Variants in RAB37 observed in about 807,000 individuals in gnomAD.
RAB37 encodes the protein ras-related protein Rab-37.
RAB37 carries 29 observed loss-of-function variants against 33.1 expected under a neutral mutation model. The observed-to-expected ratio is 0.88, with a 90% confidence interval of 0.65 to 1.20. The LOEUF is 1.20. Ranked by LOEUF, RAB37 falls within the 50% of genes most tolerant of loss-of-function variation. The pLI is 0.00. For synonymous variants in RAB37, 128 were observed against 119.5 expected, an observed-to-expected ratio of 1.07 and a Z score of -0.47; for missense variants, 299 against 301.1, an observed-to-expected ratio of 0.99 and a Z score of 0.05.
intron 1 of RAB37, among the ~76,000 whole-genome samples, chr17:74,673,620 A>G (rs2031755860): frequency 6.6e-6 from 1 of 152,068 alleles, no homozygotes; most frequent in Non-Finnish European, 1.5e-5. Context: ...TTACCCACAC[A>G]CGAGATGTAG....
intron 1 of RAB37, among the ~76,000 whole-genome samples, chr17:74,673,933 A>G (rs1389294799): frequency 1.3e-5 from 2 of 152,192 alleles, no homozygotes; most frequent in African/African-American, 2.4e-5. Context: ...TGATCCACTT[A>G]AAACTCTTTT....
intron 1 of RAB37, chr17:74,698,618 A>G (rs1598217152): frequency 1.3e-6 from 2 of 1,484,020 alleles, no homozygotes; most frequent in Non-Finnish European, 1.8e-6. Flanking sequence ...GGGAACCCTC[A>G]CTCCTGGGGA....
At chr17:74,707,469 C>T (rs932226228) in intron 1 of RAB37, among the ~76,000 whole-genome samples, 1 of 152,156 alleles carries the variant, frequency 6.6e-6, no homozygotes, top group Non-Finnish European at 1.5e-5. Context: ...AATTCCAGCA[C>T]TTTGGGAGGC....
intron 1 of RAB37, among the ~76,000 whole-genome samples, chr17:74,692,222 C>A (rs1384251445): frequency 6.6e-6 from 1 of 151,968 alleles, no homozygotes; most frequent in African/African-American, 2.4e-5. Flanking sequence ...CTGCTTTGAA[C>A]TTTTCCATTT....
chr17:74,691,866 A>AT (rs1334184845), intron 1 of RAB37, among the ~76,000 whole-genome samples: 4,997 of 139,454 alleles, frequency 0.036, 125 homozygotes, highest in Non-Finnish European at 0.043. Context: ...ATGTTATGCC[A>AT]TTTTTTTTTT....
At position 74,744,395 on chromosome 17, in the gene RAB37, TCAG is replaced by T; in HGVS notation, c.432+24_432+26del. The T allele has an allele frequency of 6.2e-7, 1 of 1,611,256 alleles. No individual in the cohort carries two copies. The highest frequency in any genetic ancestry group is 8.5e-7 in the Non-Finnish European group (1 of 1,177,662). ...CAAGGTGAGTGGCTCCGGGGCAGGG[TCAG>T]CCCAGCCCTGCACTTCCTCAGCCCT... On this transcript the variant is annotated intron_variant, in intron 6 of 8. Coordinates refer to ENST00000392613, the MANE Select transcript of RAB37 (RefSeq NM_001006638.3). This position sits in a 1 kb window ranked among gnomAD's most constrained non-coding sequence, Gnocchi z 4.2.
intron 5 of RAB37, among the ~76,000 whole-genome samples, chr17:74,743,808 G>A (rs1390842587): frequency 6.6e-6 from 1 of 152,186 alleles, no homozygotes; most frequent in African/African-American, 2.4e-5. Flanking sequence ...TCACGACATT[G>A]TATAGGTTTC....
rs2031717510 is a variant in RAB37 at position 74,671,984 on chromosome 17, G to A, written c.72+326G>A. Among the ~76,000 whole-genome samples, 1 of 152,094 alleles carries A rather than the reference G, an allele frequency of 6.6e-6. No individual in the cohort carries two copies. Among genetic ancestry groups the A allele is most frequent in the Admixed American group, 6.6e-5 (1 of 15,264 alleles). On this transcript the variant is annotated intron_variant, in intron 1 of 7. Coordinates refer to the RAB37 transcript ENST00000340415. This position sits in a 1 kb window ranked among gnomAD's most constrained non-coding sequence, Gnocchi z 5.0. ...CACCTTGCTCTCCTAACCCTTGTAG[G>A]AGACTGCATTTCTCCCTGTTACATC... is the stretch of plus-strand genomic sequence containing the variant.
intron 1 of RAB37, among the ~76,000 whole-genome samples, chr17:74,673,295 C>A (rs1202069968): frequency 6.6e-6 from 1 of 151,182 alleles, no homozygotes; most frequent in Non-Finnish European, 1.5e-5. Context: ...CCCAGCTACT[C>A]AGGAGGCTGA....
chr17:74,677,674 A>G (rs974106188), intron 1 of RAB37: 1 of 152,240 alleles, frequency 6.6e-6, no homozygotes, highest in Non-Finnish European at 1.5e-5. Flanking sequence ...TGTATATTAC[A>G]TCACTGGCAA....
At position 74,746,800 on chromosome 17, in the gene RAB37, T is replaced by C. The variant is rs1228508792; in HGVS notation, c.*1389T>C. On this transcript the variant is annotated 3_prime_UTR_variant, in exon 9 of 9. Transcript: ENST00000392613. This position sits in a 1 kb window ranked among gnomAD's most constrained non-coding sequence, Gnocchi z 5.2. Reference sequence around the variant, plus strand: ...CCTTTCCTTTAACTTCTCAAACAGATACCAGGGCCTAAACTGCTTTACCTC... The same window carrying C: ...CCTTTCCTTTAACTTCTCAAACAGACACCAGGGCCTAAACTGCTTTACCTC... 3 of 152,240 alleles carry C rather than the reference T, an allele frequency of 2.0e-5. No individual in the cohort carries two copies. Among genetic ancestry groups the C allele is most frequent in the African/African-American group, 7.2e-5 (3 of 41,444 alleles). 9.4% of individuals were successfully genotyped at this position (152,240 alleles called of 1,614,324 possible). A position where few individuals can be genotyped will look rare whatever the true frequency, so the allele number is the denominator to read the frequency against.
At chr17:74,716,606 G>A (rs915937855) in intron 1 of RAB37, among the ~76,000 whole-genome samples, 7 of 152,098 alleles carry the variant, frequency 4.6e-5, no homozygotes, top group Admixed American at 2.6e-4. Context: ...AGCAAGTGAC[G>A]TGTCCAAGGT....
chr17:74,693,779 A>T (rs2032214471), intron 1 of RAB37, among the ~76,000 whole-genome samples: 1 of 152,054 alleles, frequency 6.6e-6, no homozygotes, highest in Non-Finnish European at 1.5e-5. Flanking sequence ...AAACATGAAA[A>T]TTAGCCAGGC....
intron 1 of RAB37, chr17:74,696,185 G>A (rs1441294258): frequency 6.2e-6 from 10 of 1,602,512 alleles, no homozygotes; most frequent in South Asian, 2.2e-5. Flanking sequence ...GACCTTGGGG[G>A]CTATCTTACC....
intron 1 of RAB37, among the ~76,000 whole-genome samples, chr17:74,688,886 C>G (rs9908425): frequency 0.19 from 29,508 of 152,132 alleles, 2,999 homozygotes; most frequent in East Asian, 0.29. Context: ...GTTTGTGCTT[C>G]AGGAAAGGCA....
At chr17:74,736,660 T>C (rs2144052504), upstream of RAB37, 1 of 1,535,522 alleles carries the variant, frequency 6.5e-7, no homozygotes, top group African/African-American at 1.4e-5. Flanking sequence ...TGAGAGGTGA[T>C]CCATACTAAA....
chr17:74,744,823 C>G lies in RAB37; in HGVS notation c.433-50C>G. ...CTGCTTCTGGGGCAAAATATGGGCCCGCTGGGGCGGAGGCCTCCTTCCCCA... is the reference window on the plus strand; with the variant it reads ...CTGCTTCTGGGGCAAAATATGGGCCGGCTGGGGCGGAGGCCTCCTTCCCCA... On this transcript the variant is annotated intron_variant, in intron 6 of 8. Coordinates refer to ENST00000392613, the MANE Select transcript of RAB37 (RefSeq NM_001006638.3). The surrounding 1 kb of genome is among the most constrained non-coding windows in gnomAD (Gnocchi z 4.2). 1.2e-6 allele frequency: 2 copies of G among 1,609,886 alleles called. No homozygotes were observed. Among genetic ancestry groups the G allele is most frequent in the South Asian group, 1.1e-5 (1 of 90,942 alleles).
intron 1 of RAB37, among the ~76,000 whole-genome samples, chr17:74,727,073 C>T (rs1324136674): frequency 1.3e-5 from 2 of 152,230 alleles, no homozygotes; most frequent in Non-Finnish European, 2.9e-5. Context: ...TTCTCCCTCC[C>T]AGTTCAGACC....
rs1598311615 is a variant in RAB37 at position 74,729,159 on chromosome 17, C to A, written c.73-97C>A. On this transcript the variant is annotated intron_variant, in intron 1 of 7. Coordinates refer to the RAB37 transcript ENST00000340415. This position sits in a 1 kb window ranked among gnomAD's most constrained non-coding sequence, Gnocchi z 4.2. ...TGTGTGTGTGCATGTTGTGCACATG[C>A]GTGCTTAGAAAGAATCCACTCCCAC... 5.0e-6 allele frequency: 4 copies of A among 795,320 alleles called. No homozygotes were observed. Among genetic ancestry groups the A allele is most frequent in the South Asian group, 1.4e-5 (1 of 73,334 alleles). The allele number at this position is 795,320 out of a possible 1,614,324, so 49.3% of individuals were successfully genotyped here.
Sources: gnomAD v4.1 joint callset for allele counts (sites outside exome capture counted in the v4.1 genomes callset) on GRCh38, gnomAD v4.1.1 for gene constraint, Gnocchi (gnomAD v3.1) non-coding constraint, MANE v1.5 for transcripts, NCBI Gene and HGNC (gene_info 2026-07-23, HGNC 2026-07-21) for gene names.